The following FSD1 variants were observed in gnomAD, a reference collection of about 807,000 sequenced individuals.
FSD1 encodes fibronectin type III and SPRY domain containing 1, also known as fibronectin type III and SPRY domain-containing protein 1.
FSD1 carries 23 observed loss-of-function variants against 58.2 expected under a neutral mutation model. The ratio of observed to expected loss-of-function variants is 0.40; its 90% CI spans 0.28 to 0.56. FSD1 has a LOEUF of 0.56. FSD1 is among the 20% of genes least tolerant of loss of function. The pLI is 0.54. For missense variants in FSD1, 563 were observed against 670.8 expected (o/e 0.84, Z 1.78); for synonymous variants, 265 against 263.4 (o/e 1.01, Z -0.06).
intron 7 of FSD1, among the ~76,000 whole-genome samples, chr19:4,315,607 C>CTTTTTT (rs1302777132): frequency 9.6e-5 from 9 of 93,780 alleles, no homozygotes; most frequent in Non-Finnish European, 1.3e-4. Flanking sequence ...CGTGCCTGGC[C>CTTTTTT]TTTTTTTTTT....
chr19:4,315,469 T>C (rs1044671127), intron 7 of FSD1, among the ~76,000 whole-genome samples: 16 of 151,618 alleles, frequency 1.1e-4, no homozygotes, highest in African/African-American at 3.9e-4. Flanking sequence ...CCACCACGCC[T>C]GGCTAATTTT....
chr19:4,310,336 C>G (rs1236141995), intron 5 of FSD1, 41 bp downstream of exon 5: 15 of 1,613,496 alleles, frequency 9.3e-6, no homozygotes, highest in Non-Finnish European at 1.3e-5. Context: ...CTACCCTGCC[C>G]CTGGTGTGAA....
rs1414784311 is a variant in FSD1, at chr19:4,318,378, C to T, written c.832C>T (p.His278Tyr). Reference sequence around the variant, plus strand: ...GTTCCGCCTGGATGCGTCCACATCCCACCAGAACCTGCGGGTGGATGATCT... The same window carrying T: ...GTTCCGCCTGGATGCGTCCACATCCTACCAGAACCTGCGGGTGGATGATCT... ...FMFRLDASTS[H>Y]QNLRVDDLSV... Residue 278 changes from histidine (H) to tyrosine (Y), a missense_variant, in exon 9 of 13, where the codon CAC becomes TAC. Physicochemically the swap from His to Tyr is moderately conservative, Grantham distance 83. Transcript: ENST00000221856. 1 of 1,613,916 alleles carries T rather than the reference C, an allele frequency of 6.2e-7. No homozygotes were observed.
intron 7 of FSD1, among the ~76,000 whole-genome samples, chr19:4,312,685 G>C (rs111430517): frequency 0.04 from 5,975 of 150,728 alleles, 127 homozygotes; most frequent in Middle Eastern, 0.11. Flanking sequence ...TGCACCTGTA[G>C]TCCCAGCTGC....
Position 4,323,105 on chromosome 19 carries a change from A to G in FSD1, c.1159A>G (p.Thr387Ala). ...GGGCCGCTTCGAGCAACTGGGCAAG[A>G]CGGCCGCCTCCTGGTGCCTGCACGT... ...SLGRFEQLGK[T>A]AASWCLHVNN... Residue 387 changes from threonine (T) to alanine (A), a missense_variant, in exon 11 of 13, where the codon ACG becomes GCG. By Grantham distance (58) the Thr-to-Ala change is moderately conservative. Coordinates refer to ENST00000221856, the MANE Select transcript of FSD1 (RefSeq NM_024333.3). This position sits in a 1 kb window ranked among gnomAD's most constrained non-coding sequence, Gnocchi z 7.7. 1.2e-6 allele frequency: 2 copies of G among 1,608,574 alleles called. No individual in the cohort carries two copies. The highest frequency in any genetic ancestry group is 1.7e-6 in the Non-Finnish European group (2 of 1,179,752).
intron 10 of FSD1, 120 bp downstream of exon 10, chr19:4,319,071 C>T (rs1427635217): frequency 3.3e-5 from 25 of 748,644 alleles, no homozygotes; most frequent in East Asian, 2.7e-4. Context: ...AAGCTGCTCC[C>T]GGAATAACAG....
At chr19:4,311,414 A>T in intron 6 of FSD1, 1 of 176,622 alleles carries the variant, frequency 5.7e-6, no homozygotes, top group Non-Finnish European at 1.2e-5. Context: ...GGGCGCGGTG[A>T]CTCACGCCTG....
chr19:4,319,843 C>T (rs186022510), intron 10 of FSD1, among the ~76,000 whole-genome samples: 125 of 152,190 alleles, frequency 8.2e-4, no homozygotes, highest in African/African-American at 2.9e-3. Flanking sequence ...AGAGGTTCAT[C>T]TTGTATCTGG....
At chr19:4,305,879 CGTGTGTGTACCTGTGTGCGCACATGT>C (rs997647891) in intron 1 of FSD1, 41 bp from the exon 2 acceptor site, 25 of 1,179,412 alleles carry the variant, frequency 2.1e-5, no homozygotes, top group African/African-American at 1.7e-4. Flanking sequence ...TGTGCGTACA[CGTGTGTGTACCTGTGTGCGCACATGT>C]GTGTGTGCAC....
chr19:4,306,335 G>C lies in FSD1; in HGVS notation c.243+6G>C. 1 of 1,613,326 alleles carries C rather than the reference G, an allele frequency of 6.2e-7. No individual in the cohort carries two copies. The highest frequency in any genetic ancestry group is 8.5e-7 in the Non-Finnish European group (1 of 1,179,860). ...GCCGTACCTACGAGCTGCAGGTGAG[G>C]GCTGAGGGCATCTTCCTCTCCCCCC... On this transcript the variant is annotated splice_donor_region_variant and intron_variant, in intron 3 of 12. Transcript: ENST00000221856.
chr19:4,318,449 G>A lies in FSD1; in HGVS notation c.903G>A (p.Lys301=). The A allele has an allele frequency of 6.2e-7, 1 of 1,613,774 alleles. No homozygotes were observed. The highest frequency in any genetic ancestry group is 1.7e-4 in the Middle Eastern group (1 of 6,058). ...DAMGGKVQDI[K]AREKDGKGRT... ...TGGGCGGGAAGGTGCAGGATATCAAGGCTCGCGAGAAAGATGGCAAGGGGC... is the reference window on the plus strand; with the variant it reads ...TGGGCGGGAAGGTGCAGGATATCAAAGCTCGCGAGAAAGATGGCAAGGGGC... The change falls in exon 9 of 13, where the codon AAG becomes AAA. Residue 301 remains lysine, a synonymous_variant. Transcript: ENST00000221856.
chr19:4,304,774 G>A lies in FSD1; in HGVS notation c.15+13G>A, dbSNP rs991208413. On this transcript the variant is annotated intron_variant, in intron 1 of 12. Transcript: ENST00000221856. Reference sequence around the variant, plus strand: ...GGAAGAACAGAGGGTAGGACGGGGTGGGGCAGGGCGGGCCCGCAGGGGCGT... The same window carrying A: ...GGAAGAACAGAGGGTAGGACGGGGTAGGGCAGGGCGGGCCCGCAGGGGCGT... The A allele has an allele frequency of 6.2e-5, 61 of 989,604 alleles. No homozygotes were observed. Among genetic ancestry groups the A allele is most frequent in the Non-Finnish European group, 7.6e-5 (58 of 766,840 alleles). 61.3% of individuals were successfully genotyped at this position (989,604 alleles called of 1,614,324 possible).
chr19:4,316,728 G>A (rs1446240548), intron 7 of FSD1, among the ~76,000 whole-genome samples: 1 of 151,692 alleles, frequency 6.6e-6, no homozygotes, highest in African/African-American at 2.4e-5. Flanking sequence ...ATGGTCTCAG[G>A]GGTAAGATGT....
chr19:4,306,295 A>G lies in FSD1; in HGVS notation c.209A>G (p.Lys70Arg). ...AAAGAAGGCATGCTTATGAAGATAA[A>G]ACAGGACCGTGCCAGCCGTACCTAC... ...ELKEGMLMKI[K>R]QDRASRTYEL... The change falls in exon 3 of 13, where the codon AAA (lysine) becomes AGA (arginine). Residue 70 changes from lysine to arginine, a missense_variant. Transcript: ENST00000221856. 1 of 1,614,092 alleles carries G rather than the reference A, an allele frequency of 6.2e-7. No individual in the cohort carries two copies. The highest frequency in any genetic ancestry group is 8.5e-7 in the Non-Finnish European group (1 of 1,180,016).
chr19:4,312,074 C>T, intron 7 of FSD1, 23 bp downstream of exon 7: 1 of 1,577,592 alleles, frequency 6.3e-7, no homozygotes, highest in East Asian at 2.3e-5. Flanking sequence ...TGTGCCAGCT[C>T]CGCCCAGCTG....
At position 4,310,524 on chromosome 19, in the gene FSD1, GACA is replaced by G. The variant is rs762683366; in HGVS notation, c.422_424del (p.Asn141del). 3.7e-6 allele frequency: 6 copies of G among 1,613,804 alleles called. No homozygotes were observed. Among genetic ancestry groups the G allele is most frequent in the East Asian group, 2.2e-5 (1 of 44,876 alleles). The stretch of plus-strand genomic sequence containing the variant: ...GCTATCATTGAAAGCGAAGGTCAGT[GACA>G]ACATGAGTCACCTCATGGTGGACTT... On this transcript the variant is annotated inframe_deletion, in exon 6 of 13. Coordinates refer to ENST00000221856, the MANE Select transcript of FSD1 (RefSeq NM_024333.3).
rs768399587 is a variant in FSD1, at chr19:4,323,479, TG to T, written c.1380+46del. On this transcript the variant is annotated intron_variant, in intron 12 of 12. Coordinates refer to ENST00000221856, the MANE Select transcript of FSD1 (RefSeq NM_024333.3). The surrounding 1 kb of genome is among the most constrained non-coding windows in gnomAD (Gnocchi z 7.7). ...GCCCAGGGGGAGGAGAGGGTGGTGC[TG>T]GGCGCTGGGGTTTGAAGCTGAGCCC... 1.9e-6 allele frequency: 3 copies of T among 1,600,530 alleles called. No individual in the cohort carries two copies. The highest frequency in any genetic ancestry group is 2.6e-6 in the Non-Finnish European group (3 of 1,169,280).
At chr19:4,307,293 C>T (rs1161003149) in intron 3 of FSD1, among the ~76,000 whole-genome samples, 1 of 151,628 alleles carries the variant, frequency 6.6e-6, no homozygotes, top group Non-Finnish European at 1.5e-5. Flanking sequence ...TGGGCTCAAG[C>T]GATCCTCCTG....
chr19:4,309,896 A>G (rs988515381), intron 4 of FSD1, among the ~76,000 whole-genome samples: 3 of 147,764 alleles, frequency 2.0e-5, no homozygotes, highest in Admixed American at 1.3e-4. Flanking sequence ...ACGACAGAGC[A>G]AGACTCCATC....
Sources: gnomAD v4.1 joint callset for allele counts (sites outside exome capture counted in the v4.1 genomes callset) on GRCh38, gnomAD v4.1.1 for gene constraint, Gnocchi (gnomAD v3.1) non-coding constraint, MANE v1.5 for transcripts, NCBI Gene and HGNC (gene_info 2026-07-23, HGNC 2026-07-21) for gene names.